The following SNCAIP variants were observed in gnomAD, a reference collection of about 807,000 sequenced individuals.
SNCAIP encodes synphilin-1.
A neutral mutation model predicts 86.7 loss-of-function variants in SNCAIP; 43 were observed. The observed-to-expected ratio is 0.50, with a 90% confidence interval of 0.39 to 0.64. The LOEUF (loss-of-function observed/expected upper bound fraction) is 0.64, where lower values mean the gene tolerates loss of function less well. Among genes scored for constraint, SNCAIP ranks in the 30% least tolerant of loss-of-function variants. The pLI is 0.00. For missense variants in SNCAIP, 981 were observed against 1,103.1 expected (o/e 0.89, Z 1.57); for synonymous variants, 417 against 427.2 (o/e 0.98, Z 0.29).
In SNCAIP at chr5:122,391,127, G is replaced by C; in HGVS notation, c.-8G>C. ...TTTGACCGTACTCAAAATGTGCAAGGAAGAATAATGGAAGCCCCTGAATAC... is the reference window on the plus strand; with the variant it reads ...TTTGACCGTACTCAAAATGTGCAAGCAAGAATAATGGAAGCCCCTGAATAC... On this transcript the variant is annotated 5_prime_UTR_variant, in exon 2 of 11. Transcript: ENST00000261368. The C allele has an allele frequency of 3.7e-6, 6 of 1,608,048 alleles. No individual in the cohort carries two copies. The highest frequency in any genetic ancestry group is 5.1e-6 in the Non-Finnish European group (6 of 1,174,540).
chr5:122,397,667 A>C (rs1770907704), intron 2 of SNCAIP, among the ~76,000 whole-genome samples: 1 of 152,168 alleles, frequency 6.6e-6, no homozygotes, highest in Non-Finnish European at 1.5e-5. Flanking sequence ...AGAGGTATGA[A>C]AGTGTGGATC....
chr5:122,355,236 A>G (rs1760755710), intron 1 of SNCAIP, among the ~76,000 whole-genome samples: 1 of 152,196 alleles, frequency 6.6e-6, no homozygotes, highest in Non-Finnish European at 1.5e-5. Flanking sequence ...AATGGTTAAG[A>G]TCTCTTGAAG....
chr5:122,322,925 A>C (rs1052169600), intron 1 of SNCAIP, among the ~76,000 whole-genome samples: 5 of 152,214 alleles, frequency 3.3e-5, no homozygotes, highest in Non-Finnish European at 5.9e-5. Context: ...GCCTCTTTGC[A>C]ACTAAAATAT....
intron 1 of SNCAIP, among the ~76,000 whole-genome samples, chr5:122,355,757 C>T (rs935278444): frequency 1.3e-5 from 2 of 152,156 alleles, no homozygotes; most frequent in African/African-American, 2.4e-5. Flanking sequence ...TCCTTTTTTC[C>T]TCCTTATCTC....
At position 122,334,605 on chromosome 5, in the gene SNCAIP, C is replaced by T. The variant is rs144248801; in HGVS notation, c.-47+22321C>T. ...CTTGTCAGTGGACGTCAGGTGGTAACGTTGAGGGAAGGAAAACAGGGTGGA... is the reference window on the plus strand; with the variant it reads ...CTTGTCAGTGGACGTCAGGTGGTAATGTTGAGGGAAGGAAAACAGGGTGGA... On this transcript the variant is annotated intron_variant, in intron 1 of 10. Transcript: ENST00000261368. 7.3e-4 allele frequency among the ~76,000 whole-genome samples: 111 copies of T among 152,124 alleles called. 1 individual carries two copies. The highest frequency in any genetic ancestry group is 3.4e-3 in the Middle Eastern group (1 of 294).
intron 1 of SNCAIP, among the ~76,000 whole-genome samples, chr5:122,362,180 T>G (rs1410441216): frequency 6.6e-6 from 1 of 152,234 alleles, no homozygotes; most frequent in Non-Finnish European, 1.5e-5. Context: ...CTAAGGATTT[T>G]GCTTGTATTA....
At chr5:122,414,813 T>C (rs1348572677) in intron 3 of SNCAIP, among the ~76,000 whole-genome samples, 3 of 152,218 alleles carry the variant, frequency 2.0e-5, no homozygotes, top group Non-Finnish European at 4.4e-5. Flanking sequence ...GCATGCTATG[T>C]CATTTTCCAC....
intron 1 of SNCAIP, among the ~76,000 whole-genome samples, chr5:122,385,081 C>T (rs1307288882): frequency 2.0e-5 from 3 of 152,238 alleles, no homozygotes; most frequent in Non-Finnish European, 2.9e-5. Flanking sequence ...CGGCTTTCAG[C>T]TTTGCCAGGC....
rs11297385 is a variant in SNCAIP, at chr5:122,326,606, C to CTTTTTTT, written c.-47+14349_-47+14355dup. Among the ~76,000 whole-genome samples the CTTTTTTT allele has an allele frequency of 3.6e-4, 15 of 42,132 alleles. 1 individual carries two copies. The highest frequency in any genetic ancestry group is 4.3e-4 in the Non-Finnish European group (11 of 25,428). The allele number at this position is 42,132 out of a possible 152,430, so 27.6% of individuals were successfully genotyped here. A position where few individuals can be genotyped will look rare whatever the true frequency, so the allele number is the denominator to read the frequency against. ...AGAAAGGGAACTTCAGAAATGTCTC[C>CTTTTTTT]TTTTTTTTTTTTTTTTTTTTTTTTT... On this transcript the variant is annotated intron_variant, in intron 1 of 10. Transcript: ENST00000261368.
intron 8 of SNCAIP, among the ~76,000 whole-genome samples, chr5:122,447,368 C>T (rs571919924): frequency 6.6e-6 from 1 of 152,284 alleles, no homozygotes; most frequent in African/African-American, 2.4e-5. Flanking sequence ...GCCATCTGCC[C>T]ATATATTTTC....
chr5:122,316,685 C>T (rs947356175), intron 1 of SNCAIP, among the ~76,000 whole-genome samples: 2 of 152,180 alleles, frequency 1.3e-5, no homozygotes, highest in African/African-American at 4.8e-5. Flanking sequence ...ATCCAGACTC[C>T]TTCATTAACG....
intron 6 of SNCAIP, chr5:122,436,459 A>G (rs962472423): frequency 1.3e-5 from 2 of 152,194 alleles, no homozygotes; most frequent in African/African-American, 4.8e-5. Flanking sequence ...TGTATAGGAG[A>G]AACTTGCAAA....
chr5:122,377,663 AT>A (rs1765652718), intron 1 of SNCAIP, among the ~76,000 whole-genome samples: 1 of 149,712 alleles, frequency 6.7e-6, no homozygotes, highest in African/African-American at 2.4e-5. Context: ...AGCATTATGT[AT>A]ATCTCCCAAT....
intron 3 of SNCAIP, among the ~76,000 whole-genome samples, chr5:122,413,756 A>G (rs1046282354): frequency 6.6e-6 from 1 of 152,188 alleles, no homozygotes; most frequent in Non-Finnish European, 1.5e-5. Context: ...AAAAAAGAAA[A>G]AAAAAGGATC....
rs1775651903 is a variant in SNCAIP, at chr5:122,418,018, AAGG to A, written c.131-4846_131-4844del. 5.9e-5 allele frequency among the ~76,000 whole-genome samples: 9 copies of A among 152,326 alleles called. No individual in the cohort carries two copies. In the South Asian group the frequency reaches 1.7e-3, roughly 28 times the overall value. ...CTAGGAGAGTCACAGGAACTGCACA[AAGG>A]AGGTAACCCCTGAGTGTAATCTTGT... On this transcript the variant is annotated intron_variant, in intron 3 of 10. Transcript: ENST00000261368.
At chr5:122,357,720 C>G (rs909151772) in intron 1 of SNCAIP, among the ~76,000 whole-genome samples, 1 of 149,628 alleles carries the variant, frequency 6.7e-6, no homozygotes, top group Non-Finnish European at 1.5e-5. Context: ...CTGTGCTGTT[C>G]TGTAGAATAG....
chr5:122,463,370 G>A (rs145355422), intron 10 of SNCAIP, 121 bp from the exon 11 acceptor site: 3 of 719,268 alleles, frequency 4.2e-6, no homozygotes, highest in African/African-American at 1.7e-5. Flanking sequence ...GGAATGAAGT[G>A]TTCTTCAGTG....
At chr5:122,421,499 T>A (rs1431238450) in intron 3 of SNCAIP, among the ~76,000 whole-genome samples, 2 of 152,220 alleles carry the variant, frequency 1.3e-5, no homozygotes, top group Non-Finnish European at 2.9e-5. Flanking sequence ...GAATCAGTCA[T>A]AGCCAGAGGC....
At chr5:122,405,025 A>G (rs1330456900) in intron 3 of SNCAIP, among the ~76,000 whole-genome samples, 1 of 152,260 alleles carries the variant, frequency 6.6e-6, no homozygotes, top group Non-Finnish European at 1.5e-5. Flanking sequence ...AAGTTCATAT[A>G]GGATTTAATA....
Sources: allele counts gnomAD v4.1 joint callset (sites outside exome capture counted in the v4.1 genomes callset), GRCh38; gene constraint gnomAD v4.1.1; transcripts MANE v1.5; gene names NCBI Gene and HGNC (gene_info 2026-07-23, HGNC 2026-07-21).